Variants in PXDC1 observed in about 807,000 individuals in gnomAD.
The protein encoded by PXDC1 is PX domain-containing protein 1.
Under a neutral mutation model 24.4 loss-of-function variants are expected in PXDC1, and 13 were observed. That is an observed-to-expected ratio of 0.53 (90% CI 0.35 to 0.85). The LOEUF (loss-of-function observed/expected upper bound fraction) is 0.85. PXDC1 is among the 40% of genes least tolerant of loss of function. The pLI, the probability that PXDC1 is intolerant of heterozygous loss-of-function variation, is 0.01. For missense variants in PXDC1, 344 were observed against 309.3 expected (o/e 1.11, Z -0.84); for synonymous variants, 162 against 124.9 (o/e 1.30, Z -1.98).
In PXDC1 at chr6:3,723,525, C is replaced by G; in HGVS notation, c.*94G>C. 2 of 971,158 alleles carry G rather than the reference C, an allele frequency of 2.1e-6. No individual in the cohort carries two copies. Among genetic ancestry groups the G allele is most frequent in the Non-Finnish European group, 3.3e-6 (2 of 612,534 alleles). The allele number at this position is 971,158 out of a possible 1,614,324, so 60.2% of individuals were successfully genotyped here. A position where few individuals can be genotyped will look rare whatever the true frequency, so the allele number is the denominator to read the frequency against. ...CCTGGGACGTCTGGGAGTTCCAGAG[C>G]TGGGGCAGCAGCTGTGACCATGGGG... On this transcript the variant is annotated 3_prime_UTR_variant, in exon 5 of 5. Transcript: ENST00000380283.
rs6941353 is a variant in PXDC1 at position 3,726,073 on chromosome 6, C to A, written c.578+1478G>T. On this transcript the variant is annotated intron_variant, in intron 4 of 4. Transcript: ENST00000380283. ...CAGCTCCAGCCTGCTCACAGTTGAA[C>A]CTGCCTCCTAAATCTGGCCTCATTC... Among the ~76,000 whole-genome samples, 844 of 152,278 alleles carry A rather than the reference C, an allele frequency of 5.5e-3. 11 individuals are homozygous for A. The highest frequency in any genetic ancestry group is 0.019 in the African/African-American group (800 of 41,544).
chr6:3,751,203 C>T (rs773430044), intron 1 of PXDC1, 73 bp downstream of exon 1: 143 of 1,191,146 alleles, frequency 1.2e-4, no homozygotes, highest in Non-Finnish European at 1.5e-4. Context: ...CGGTTGAAGT[C>T]TCTTCCCCGC....
chr6:3,736,522 T>C (rs1320601808), intron 3 of PXDC1, among the ~76,000 whole-genome samples: 1 of 152,196 alleles, frequency 6.6e-6, no homozygotes, highest in Non-Finnish European at 1.5e-5. Flanking sequence ...TTTGTCAAAA[T>C]AGTGCTGCAA....
rs558029514 is a variant in PXDC1, at chr6:3,748,094, T to C, written c.256+3182A>G. ...CCAACAAGGAAATTCAACATGTTTATGTTTTAAAGCATAAACCTTCCTAGA... is the reference window on the plus strand; with the variant it reads ...CCAACAAGGAAATTCAACATGTTTACGTTTTAAAGCATAAACCTTCCTAGA... On this transcript the variant is annotated intron_variant, in intron 1 of 4. Transcript: ENST00000380283. Among the ~76,000 whole-genome samples, 40 of 152,330 alleles carry C rather than the reference T, an allele frequency of 2.6e-4. 1 individual carries two copies. In the South Asian group the frequency reaches 8.3e-3, roughly 32 times the overall value.
In PXDC1 at chr6:3,751,064, G is replaced by C. The variant is rs747220925; in HGVS notation, c.256+212C>G. ...CCCGCCCCATTTGGCTCCTCCGCCG[G>C]GGGCGCCCCCAGGCTGGGCAGGCTG... On this transcript the variant is annotated intron_variant, in intron 1 of 4. Coordinates refer to ENST00000380283, the MANE Select transcript of PXDC1 (RefSeq NM_183373.4). 887 of 482,534 alleles carry C rather than the reference G, an allele frequency of 1.8e-3. 2 individuals carry two copies. Among genetic ancestry groups the C allele is most frequent in the Middle Eastern group, 0.01 (19 of 1,882 alleles). The allele number at this position is 482,534 out of a possible 1,614,324, so 29.9% of individuals were successfully genotyped here.
intron 1 of PXDC1, among the ~76,000 whole-genome samples, chr6:3,744,695 TTTTA>T (rs572431881): frequency 3.9e-5 from 6 of 152,136 alleles, no homozygotes; most frequent in African/African-American, 1.2e-4. Context: ...CAATTCTTGT[TTTTA>T]TTTATTTATT....
intron 1 of PXDC1, among the ~76,000 whole-genome samples, chr6:3,739,406 T>C (rs1338429531): frequency 6.6e-6 from 1 of 152,244 alleles, no homozygotes; most frequent in African/African-American, 2.4e-5. Context: ...TCACCTGGTA[T>C]CCCAGCAGGC....
In PXDC1 at chr6:3,724,700, C is replaced by T. The variant is rs965385087; in HGVS notation, c.579-964G>A. On this transcript the variant is annotated intron_variant, in intron 4 of 4. Transcript: ENST00000380283. This position sits in a 1 kb window ranked among gnomAD's most constrained non-coding sequence, Gnocchi z 4.5. ...CCAGTGACTGAAGGTGGCCCTGGCC[C>T]GTGGACAACTGTGGGAACTCAGCCA... Among the ~76,000 whole-genome samples, 1 of 152,176 alleles carries T rather than the reference C, an allele frequency of 6.6e-6. No homozygotes were observed. Among genetic ancestry groups the T allele is most frequent in the African/African-American group, 2.4e-5 (1 of 41,450 alleles).
intron 3 of PXDC1, among the ~76,000 whole-genome samples, chr6:3,736,803 C>A (rs780050877): frequency 7.2e-5 from 11 of 152,246 alleles, no homozygotes; most frequent in Non-Finnish European, 1.5e-4. Flanking sequence ...CAAACTCTAT[C>A]ATCAATGTGT....
intron 1 of PXDC1, among the ~76,000 whole-genome samples, chr6:3,745,773 G>A (rs1226177792): frequency 1.3e-5 from 2 of 152,180 alleles, no homozygotes; most frequent in African/African-American, 2.4e-5. Context: ...ACTGACAGCT[G>A]CCACCTATCA....
chr6:3,741,717 C>A (rs1244381784), intron 1 of PXDC1, among the ~76,000 whole-genome samples: 1 of 152,236 alleles, frequency 6.6e-6, no homozygotes, highest in Non-Finnish European at 1.5e-5. Flanking sequence ...AGCACGGCGA[C>A]AAGAACGCAG....
At chr6:3,738,171 CAA>C in intron 1 of PXDC1, 23 bp from the exon 2 acceptor site, 2 of 1,591,706 alleles carry the variant, frequency 1.3e-6, no homozygotes, top group Non-Finnish European at 1.7e-6. Context: ...CAGAAATGCT[CAA>C]AGTCAGAATA....
intron 1 of PXDC1, among the ~76,000 whole-genome samples, chr6:3,746,608 G>C (rs1295167137): frequency 1.3e-5 from 2 of 152,306 alleles, no homozygotes; most frequent in African/African-American, 4.8e-5. Context: ...GGCAGGCCCA[G>C]CCAGCACCCC....
At chr6:3,733,790 CCA>C (rs993607669) in intron 3 of PXDC1, among the ~76,000 whole-genome samples, 3 of 152,160 alleles carry the variant, frequency 2.0e-5, no homozygotes, top group Admixed American at 1.3e-4. Context: ...CCAAAGTCGC[CCA>C]CAGTTACTTC....
At chr6:3,738,676 G>A (rs1206126665) in intron 1 of PXDC1, 4 of 823,246 alleles carry the variant, frequency 4.9e-6, no homozygotes, top group Non-Finnish European at 6.8e-6. Flanking sequence ...TCTCTGCCTG[G>A]ACAAAACCAA....
chr6:3,751,105 A>G (rs1039053454), intron 1 of PXDC1, 171 bp downstream of exon 1: 14 of 544,008 alleles, frequency 2.6e-5, no homozygotes, highest in Non-Finnish European at 9.2e-6. Flanking sequence ...CCGTCCCCCT[A>G]ACCCCGCCGC....
At chr6:3,736,023 A>G (rs924072719) in intron 3 of PXDC1, among the ~76,000 whole-genome samples, 1 of 152,138 alleles carries the variant, frequency 6.6e-6, no homozygotes. Flanking sequence ...CAGGTTCCAG[A>G]ACCTGCCCAC....
At chr6:3,731,865 G>T (rs933910187) in intron 3 of PXDC1, among the ~76,000 whole-genome samples, 1 of 152,198 alleles carries the variant, frequency 6.6e-6, no homozygotes. Flanking sequence ...ACACAGTGAC[G>T]CTGCATGAGA....
chr6:3,751,462 T>A lies in PXDC1; in HGVS notation c.70A>T (p.Ile24Phe). 1 of 1,603,478 alleles carries A rather than the reference T, an allele frequency of 6.2e-7. No homozygotes were observed. The highest frequency in any genetic ancestry group is 8.5e-7 in the Non-Finnish European group (1 of 1,176,312). The change falls in exon 1 of 5, where the codon ATC becomes TTC. Residue 24 changes from isoleucine (I) to phenylalanine (F), a missense_variant. Ile to Phe is a conservative substitution (Grantham distance 21). Transcript: ENST00000380283. ...MFVRGCWVNG[I>F]RRLIVSRRGD... Reference sequence around the variant, plus strand: ...CGCCGGCTGACGATGAGCCTGCGGATGCCGTTCACCCAGCAGCCGCGCACG... The same window carrying A: ...CGCCGGCTGACGATGAGCCTGCGGAAGCCGTTCACCCAGCAGCCGCGCACG...
Sources: gnomAD v4.1 joint callset for allele counts (sites outside exome capture counted in the v4.1 genomes callset) on GRCh38, gnomAD v4.1.1 for gene constraint, Gnocchi (gnomAD v3.1) non-coding constraint, MANE v1.5 for transcripts, NCBI Gene and HGNC (gene_info 2026-07-23, HGNC 2026-07-21) for gene names.